The following SLX4IP variants were observed in gnomAD, a reference collection of about 807,000 sequenced individuals.
SLX4IP encodes SLX4 interacting protein.
A neutral mutation model predicts 32.9 loss-of-function variants in SLX4IP; 34 were observed. That is an observed-to-expected ratio of 1.03 (90% CI 0.79 to 1.38). SLX4IP has a LOEUF of 1.38. SLX4IP is among the 40% of genes most tolerant of loss of function. SLX4IP has a pLI of 0.00. For missense variants in SLX4IP, 444 were observed against 479.0 expected (o/e 0.93, Z 0.68); for synonymous variants, 172 against 171.7 (o/e 1.00, Z -0.01).
intron 4 of SLX4IP, among the ~76,000 whole-genome samples, chr20:10,562,757 T>A (rs747291500): frequency 6.6e-6 from 1 of 152,250 alleles, no homozygotes; most frequent in South Asian, 2.1e-4. Flanking sequence ...TTGTATATAT[T>A]GCTGAATAGT....
rs142206094 is a variant in SLX4IP at position 10,623,112 on chromosome 20, G to A, written c.960G>A (p.Pro320=). 5.8e-5 allele frequency: 94 copies of A among 1,614,174 alleles called. 2 individuals are homozygous for A. The Middle Eastern group carries it at 2.5e-3, about 42-fold the overall frequency. The part of the protein sequence containing the change: ...RVSLGSDRLV[P]REIIVEKSKA... ...CTCTTGGAAGTGATCGATTAGTCCC[G>A]AGAGAAATAATAGTGGAAAAAAGCA... Residue 320 remains proline (P), a synonymous_variant, in exon 8 of 8, where the codon CCG becomes CCA. Transcript: ENST00000334534.
At chr20:10,497,120 G>C (rs928047121) in intron 2 of SLX4IP, among the ~76,000 whole-genome samples, 1 of 152,038 alleles carries the variant, frequency 6.6e-6, no homozygotes, top group African/African-American at 2.4e-5. Flanking sequence ...TTTTCTCCCA[G>C]TGATAAACAT....
chr20:10,552,282 C>T (rs1000073403), intron 2 of SLX4IP, among the ~76,000 whole-genome samples: 3 of 152,150 alleles, frequency 2.0e-5, no homozygotes, highest in Middle Eastern at 3.2e-3. Context: ...TACCATGTTG[C>T]TTCTCTCAGA....
At chr20:10,619,717 T>C (rs2067084977) in intron 6 of SLX4IP, among the ~76,000 whole-genome samples, 1 of 152,226 alleles carries the variant, frequency 6.6e-6, no homozygotes. Context: ...GGTGTGGCTG[T>C]GAGGGGAGAA....
At chr20:10,474,801 C>T (rs1432329358) in intron 2 of SLX4IP, among the ~76,000 whole-genome samples, 1 of 152,202 alleles carries the variant, frequency 6.6e-6, no homozygotes, top group Non-Finnish European at 1.5e-5. Flanking sequence ...GGGGTGTTCC[C>T]TGGGATGATG....
chr20:10,493,229 G>A (rs973521312), intron 2 of SLX4IP, among the ~76,000 whole-genome samples: 6 of 152,060 alleles, frequency 3.9e-5, no homozygotes, highest in Admixed American at 1.3e-4. Flanking sequence ...TATTGAGTTC[G>A]TAGATTAATT....
chr20:10,599,458 T>G (rs117613077), intron 5 of SLX4IP, among the ~76,000 whole-genome samples: 3,694 of 152,296 alleles, frequency 0.024, 101 homozygotes, highest in Admixed American at 0.088. Flanking sequence ...TTGAGACAAG[T>G]TCTCACTCTG....
intron 2 of SLX4IP, among the ~76,000 whole-genome samples, chr20:10,553,625 G>A (rs1365957312): frequency 1.3e-5 from 2 of 152,136 alleles, no homozygotes; most frequent in Non-Finnish European, 2.9e-5. Flanking sequence ...ATACTTGAGT[G>A]GTTTTCAAAC....
chr20:10,613,435 A>G (rs2066991158), intron 6 of SLX4IP: 4 of 1,589,204 alleles, frequency 2.5e-6, no homozygotes, highest in African/African-American at 2.7e-5. Context: ...GAAAAATTCC[A>G]TTATTTCTTT....
intron 1 of SLX4IP, among the ~76,000 whole-genome samples, chr20:10,445,515 C>T (rs1217121760): frequency 6.6e-6 from 1 of 151,454 alleles, no homozygotes; most frequent in East Asian, 1.9e-4. Context: ...TGGAGTTTCA[C>T]CATGTTGGCC....
intron 6 of SLX4IP, among the ~76,000 whole-genome samples, chr20:10,612,528 C>T (rs536484702): frequency 6.6e-6 from 1 of 152,296 alleles, no homozygotes; most frequent in South Asian, 2.1e-4. Context: ...GCCTACTTTT[C>T]AAAATACTCT....
chr20:10,463,511 G>A (rs2065355348), intron 2 of SLX4IP, among the ~76,000 whole-genome samples: 1 of 152,146 alleles, frequency 6.6e-6, no homozygotes, highest in African/African-American at 2.4e-5. Context: ...ATTGGTTTCT[G>A]AACTGCAACC....
chr20:10,479,669 G>A (rs2065505576), intron 2 of SLX4IP, among the ~76,000 whole-genome samples: 1 of 146,434 alleles, frequency 6.8e-6, no homozygotes, highest in Non-Finnish European at 1.5e-5. Flanking sequence ...TTCTATTACT[G>A]TTAACATGTT....
At chr20:10,466,036 C>T (rs557498321) in intron 2 of SLX4IP, among the ~76,000 whole-genome samples, 1 of 152,228 alleles carries the variant, frequency 6.6e-6, no homozygotes, top group Admixed American at 6.5e-5. Context: ...AAAGCCATTT[C>T]CTTTGCAAGA....
At chr20:10,468,340 A>C (rs1193808466) in intron 2 of SLX4IP, among the ~76,000 whole-genome samples, 1 of 152,124 alleles carries the variant, frequency 6.6e-6, no homozygotes, top group African/African-American at 2.4e-5. Flanking sequence ...ATTCCAGTTC[A>C]TCTAGACAAG....
At chr20:10,456,775 C>G (rs946382132) in intron 1 of SLX4IP, among the ~76,000 whole-genome samples, 1 of 152,158 alleles carries the variant, frequency 6.6e-6, no homozygotes, top group Non-Finnish European at 1.5e-5. Flanking sequence ...ATAAAGAAGT[C>G]AGCTGGGATT....
At chr20:10,546,299 A>G (rs1296708329) in intron 2 of SLX4IP, among the ~76,000 whole-genome samples, 2 of 152,212 alleles carry the variant, frequency 1.3e-5, no homozygotes, top group Admixed American at 6.5e-5. Flanking sequence ...TTGCAGAAAT[A>G]TGTAAGAGGA....
At chr20:10,439,575 G>A (rs147192835) in intron 1 of SLX4IP, among the ~76,000 whole-genome samples, 12 of 152,288 alleles carry the variant, frequency 7.9e-5, no homozygotes, top group African/African-American at 2.6e-4. Flanking sequence ...AAACCAAGAG[G>A]TGATAGTCAT....
chr20:10,594,994 A>G (rs1404884827), intron 4 of SLX4IP, among the ~76,000 whole-genome samples: 1 of 152,082 alleles, frequency 6.6e-6, no homozygotes, highest in East Asian at 1.9e-4. Context: ...TTGAGGCTTC[A>G]TGCTTTGGAG....
Sources: allele counts gnomAD v4.1 joint callset (sites outside exome capture counted in the v4.1 genomes callset), GRCh38; gene constraint gnomAD v4.1.1; transcripts MANE v1.5; gene names NCBI Gene and HGNC (gene_info 2026-07-23, HGNC 2026-07-21).